Variants in ASTN2 observed in about 807,000 individuals in gnomAD.
ASTN2 encodes astrotactin 2.
ASTN2 carries 54 observed loss-of-function variants against 139.8 expected under a neutral mutation model. The observed-to-expected ratio is 0.39, with a 90% CI of 0.31 to 0.48. The LOEUF is 0.48. Ranked by LOEUF, ASTN2 falls within the 20% of genes least tolerant of loss-of-function variation. ASTN2 has a pLI of 0.95. For synonymous variants in ASTN2, 756 were observed against 719.5 expected, an observed-to-expected ratio of 1.05 and a Z score of -0.81; for missense variants, 1,565 against 1,725.1, an observed-to-expected ratio of 0.91 and a Z score of 1.64.
chr9:117,234,889 G>T (rs559110693), intron 2 of ASTN2, among the ~76,000 whole-genome samples: 1 of 152,160 alleles, frequency 6.6e-6, no homozygotes, highest in African/African-American at 2.4e-5. Flanking sequence ...ATATATCAGC[G>T]ATTTCAAGGG....
At chr9:117,081,427 T>C (rs1828425331) in intron 5 of ASTN2, among the ~76,000 whole-genome samples, 1 of 152,160 alleles carries the variant, frequency 6.6e-6, no homozygotes, top group South Asian at 2.1e-4. Context: ...TGCCTTTATT[T>C]ACCTCCAGGT....
chr9:116,993,433 G>T (rs1836915899), intron 7 of ASTN2, among the ~76,000 whole-genome samples: 1 of 151,502 alleles, frequency 6.6e-6, no homozygotes, highest in Non-Finnish European at 1.5e-5. Flanking sequence ...TCTGCAACAT[G>T]TACAGCCCCC....
intron 13 of ASTN2, among the ~76,000 whole-genome samples, chr9:116,745,996 C>T (rs1313684802): frequency 4.6e-5 from 7 of 151,870 alleles, no homozygotes; most frequent in Admixed American, 2.0e-4. Flanking sequence ...AGTTGACTTC[C>T]TTGCCTTTCC....
intron 16 of ASTN2, among the ~76,000 whole-genome samples, chr9:116,707,054 C>G (rs1828007797): frequency 6.6e-6 from 1 of 151,546 alleles, no homozygotes; most frequent in African/African-American, 2.4e-5. Flanking sequence ...TGACTCTTAC[C>G]CTGTGACTTT....
intron 4 of ASTN2, among the ~76,000 whole-genome samples, chr9:117,125,055 G>T (rs61350479): frequency 1.3e-5 from 2 of 152,128 alleles, no homozygotes; most frequent in African/African-American, 4.8e-5. Flanking sequence ...AAATCAAATG[G>T]CACATGAATA....
At chr9:117,048,389 G>T (rs1459903215) in intron 5 of ASTN2, among the ~76,000 whole-genome samples, 1 of 152,212 alleles carries the variant, frequency 6.6e-6, no homozygotes, top group Non-Finnish European at 1.5e-5. Context: ...GCCTGAAGCA[G>T]CTCACTGTGC....
intron 1 of ASTN2, among the ~76,000 whole-genome samples, chr9:117,330,290 A>G (rs1328375638): frequency 6.6e-6 from 1 of 152,214 alleles, no homozygotes; most frequent in African/African-American, 2.4e-5. Flanking sequence ...AGGCTTCAAG[A>G]AACCCAACTG....
intron 7 of ASTN2, among the ~76,000 whole-genome samples, chr9:116,982,301 T>C (rs1030952749): frequency 1.3e-5 from 2 of 152,198 alleles, no homozygotes; most frequent in African/African-American, 4.8e-5. Flanking sequence ...GCTGACACCA[T>C]ATGCCTGTGG....
chr9:116,925,561 C>T lies in ASTN2; in HGVS notation c.1889+49647G>A, dbSNP rs193191086. On this transcript the variant is annotated intron_variant, in intron 10 of 22. Transcript: ENST00000313400. ...CACATGTACTCATACAGGCTCTCTG[C>T]TACACAGATACGATAAAGGAAGCTT... Among the ~76,000 whole-genome samples the T allele has an allele frequency of 3.5e-4, 53 of 152,288 alleles. No individual in the cohort carries two copies. The East Asian group carries it at 9.6e-3, about 28-fold the overall frequency.
intron 16 of ASTN2, among the ~76,000 whole-genome samples, chr9:116,709,491 C>T (rs973504629): frequency 2.0e-5 from 3 of 152,310 alleles, no homozygotes; most frequent in East Asian, 1.9e-4. Context: ...AAACTTTATG[C>T]GGTCCTTTTA....
rs1831174342 is a variant in ASTN2, at chr9:116,811,799, A to C, written c.2208-5979T>G. ...TGTTATTGTTGTTGTTACTTAGTCC[A>C]TTAACCCATTTACATATCCCAGGAA... On this transcript the variant is annotated intron_variant, in intron 12 of 22. Transcript: ENST00000313400. Among the ~76,000 whole-genome samples, 4 of 152,234 alleles carry C rather than the reference A, an allele frequency of 2.6e-5. No homozygotes were observed. The South Asian group carries it at 6.2e-4, about 24-fold the overall frequency.
At chr9:116,537,557 G>A (rs113356733) in intron 19 of ASTN2, among the ~76,000 whole-genome samples, 1,870 of 152,286 alleles carry the variant, frequency 0.012, 35 homozygotes, top group African/African-American at 0.043. Context: ...TGAAGCCCTG[G>A]AAGGTGAATA....
intron 16 of ASTN2, among the ~76,000 whole-genome samples, chr9:116,691,233 A>G (rs1477745406): frequency 6.6e-6 from 1 of 152,194 alleles, no homozygotes; most frequent in Non-Finnish European, 1.5e-5. Context: ...TCCTTTAATC[A>G]TAATCTCATG....
chr9:116,656,754 G>A (rs1440476456), intron 16 of ASTN2, among the ~76,000 whole-genome samples: 1 of 150,374 alleles, frequency 6.7e-6, no homozygotes, highest in Non-Finnish European at 1.5e-5. Flanking sequence ...AGGGCTTTTC[G>A]GCAGGAGATG....
At chr9:116,959,826 C>T (rs1171837819) in intron 10 of ASTN2, among the ~76,000 whole-genome samples, 1 of 152,170 alleles carries the variant, frequency 6.6e-6, no homozygotes, top group Non-Finnish European at 1.5e-5. Flanking sequence ...AAGGGTCTCG[C>T]TCCAGTGCAG....
chr9:117,211,685 CT>C (rs1444273104), intron 3 of ASTN2, among the ~76,000 whole-genome samples: 3 of 152,004 alleles, frequency 2.0e-5, no homozygotes, highest in Non-Finnish European at 4.4e-5. Context: ...TAATAACTAA[CT>C]GATAAAAAAA....
intron 19 of ASTN2, among the ~76,000 whole-genome samples, chr9:116,523,339 C>T (rs985686999): frequency 1.3e-5 from 2 of 152,012 alleles, no homozygotes; most frequent in African/African-American, 4.8e-5. Context: ...TTGAGATGGA[C>T]ATTTTGATCA....
intron 7 of ASTN2, among the ~76,000 whole-genome samples, chr9:116,998,783 C>CCA (rs1837097435): frequency 6.6e-6 from 1 of 152,086 alleles, no homozygotes; most frequent in East Asian, 1.9e-4. Context: ...TGGATTTTAC[C>CCA]TACTTATTGC....
At chr9:117,379,300 C>T (rs1054438100) in intron 1 of ASTN2, among the ~76,000 whole-genome samples, 4 of 152,104 alleles carry the variant, frequency 2.6e-5, no homozygotes, top group Admixed American at 6.5e-5. Context: ...TGAGGCAAGA[C>T]GCCCCTTGCA....
Sources: allele counts gnomAD v4.1 joint callset (sites outside exome capture counted in the v4.1 genomes callset), GRCh38; gene constraint gnomAD v4.1.1; transcripts MANE v1.5; gene names NCBI Gene and HGNC (gene_info 2026-07-23, HGNC 2026-07-21).